Variants in COL8A1 observed in about 807,000 individuals in gnomAD.
COL8A1 encodes collagen alpha-1(VIII) chain.
Under a neutral mutation model 42.7 loss-of-function variants are expected in COL8A1, and 21 were observed. The ratio of observed to expected loss-of-function variants is 0.49; its 90% CI spans 0.35 to 0.71. The LOEUF is 0.71. Ranked by LOEUF, COL8A1 falls within the 30% of genes least tolerant of loss-of-function variation. The probability of loss-of-function intolerance (pLI) is 0.01; values close to 1 mark genes in which losing one functional copy is unlikely to be tolerated. For missense variants in COL8A1, 788 were observed against 962.4 expected (o/e 0.82, Z 2.40); for synonymous variants, 367 against 369.1 (o/e 0.99, Z 0.06).
intron 1 of COL8A1, among the ~76,000 whole-genome samples, chr3:99,674,170 A>ATCTTTTCAATACTTCCCTTTT (rs1559774924): frequency 6.6e-6 from 1 of 151,850 alleles, no homozygotes; most frequent in Admixed American, 6.6e-5. Flanking sequence ...CCTTTTTTCA[A>ATCTTTTCAATACTTCCCTTTT]TCAATACTTT....
intron 1 of COL8A1, among the ~76,000 whole-genome samples, chr3:99,730,219 T>C (rs1431787960): frequency 6.6e-6 from 1 of 152,042 alleles, no homozygotes; most frequent in Non-Finnish European, 1.5e-5. Context: ...ATAACACAAT[T>C]AGGAAGGAGA....
chr3:99,699,789 C>T (rs1376109136), intron 1 of COL8A1, among the ~76,000 whole-genome samples: 1 of 152,100 alleles, frequency 6.6e-6, no homozygotes, highest in Non-Finnish European at 1.5e-5. Flanking sequence ...TTTCTCTCTC[C>T]CCCGTCCCAC....
chr3:99,699,503 A>T (rs1939471105), intron 1 of COL8A1, among the ~76,000 whole-genome samples: 1 of 152,190 alleles, frequency 6.6e-6, no homozygotes, highest in South Asian at 2.1e-4. Flanking sequence ...CAGACAGATG[A>T]TCAAAGGTTA....
intron 1 of COL8A1, among the ~76,000 whole-genome samples, chr3:99,655,671 A>T (rs966257422): frequency 1.3e-5 from 2 of 152,244 alleles, no homozygotes; most frequent in Non-Finnish European, 2.9e-5. Flanking sequence ...CATAGTACAC[A>T]ATTGAGGACA....
intron 1 of COL8A1, among the ~76,000 whole-genome samples, chr3:99,640,015 TTCCA>T (rs1449712660): frequency 1.3e-5 from 2 of 152,242 alleles, no homozygotes; most frequent in East Asian, 3.8e-4. Context: ...AACTTAGGTC[TTCCA>T]AACCATTTCT....
At chr3:99,726,662 A>G (rs1428206111) in intron 1 of COL8A1, among the ~76,000 whole-genome samples, 2 of 152,152 alleles carry the variant, frequency 1.3e-5, no homozygotes, top group Non-Finnish European at 2.9e-5. Context: ...CATTTATTAA[A>G]TAGGGAATCC....
At chr3:99,777,149 T>G (rs1192321816) in intron 2 of COL8A1, among the ~76,000 whole-genome samples, 1 of 152,148 alleles carries the variant, frequency 6.6e-6, no homozygotes, top group Non-Finnish European at 1.5e-5. Flanking sequence ...GGTCTCAGCC[T>G]TATTTCACTC....
chr3:99,686,419 A>T (rs1443034226), intron 1 of COL8A1, among the ~76,000 whole-genome samples: 1 of 152,234 alleles, frequency 6.6e-6, no homozygotes. Context: ...TTAGAGAAAG[A>T]TTGAATTCAC....
At chr3:99,656,958 A>G (rs975904793) in intron 1 of COL8A1, among the ~76,000 whole-genome samples, 3 of 152,238 alleles carry the variant, frequency 2.0e-5, no homozygotes, top group African/African-American at 7.2e-5. Context: ...TGACAAAGAA[A>G]TGGCTGAACA....
chr3:99,700,522 A>C (rs1231579354), intron 1 of COL8A1, among the ~76,000 whole-genome samples: 1 of 152,098 alleles, frequency 6.6e-6, no homozygotes, highest in Non-Finnish European at 1.5e-5. Context: ...TTCTACTGTG[A>C]GAGGAGAGAA....
At chr3:99,785,615 T>A (rs1292075393) in intron 2 of COL8A1, among the ~76,000 whole-genome samples, 1 of 152,150 alleles carries the variant, frequency 6.6e-6, no homozygotes, top group Non-Finnish European at 1.5e-5. Flanking sequence ...AATTTAAGCA[T>A]ATTTGAAAAT....
At position 99,717,816 on chromosome 3, in the gene COL8A1, G is replaced by A. The variant is rs1391019369; in HGVS notation, c.-128-27081G>A. On this transcript the variant is annotated intron_variant, in intron 1 of 3. Transcript: ENST00000652472. ...AGATAAAGTTGGAGCTACATTTTTT[G>A]TTGTCATGGAATTGCTCAATTCAGA... 3.9e-5 allele frequency among the ~76,000 whole-genome samples: 6 copies of A among 151,968 alleles called. No homozygotes were observed. The South Asian group carries it at 1.2e-3, about 32-fold the overall frequency.
chr3:99,792,866 A>C, intron 3 of COL8A1, among the ~76,000 whole-genome samples: 1 of 152,250 alleles, frequency 6.6e-6, no homozygotes, highest in Admixed American at 6.5e-5. Flanking sequence ...GAAATTAAGC[A>C]AATCTACTAA....
intron 1 of COL8A1, among the ~76,000 whole-genome samples, chr3:99,725,181 T>C (rs974386667): frequency 6.6e-6 from 1 of 152,030 alleles, no homozygotes; most frequent in African/African-American, 2.4e-5. Context: ...GCAATGTATT[T>C]TGATTGTTAT....
intron 2 of COL8A1, among the ~76,000 whole-genome samples, chr3:99,758,106 C>T (rs921569014): frequency 2.0e-5 from 3 of 152,100 alleles, no homozygotes; most frequent in Admixed American, 6.5e-5. Context: ...TTTCTCATCT[C>T]GCCTTTTGGT....
rs200783625 is a variant in COL8A1 at position 99,686,861 on chromosome 3, TG to T, written c.-129+48205del. Among the ~76,000 whole-genome samples, 266 of 151,628 alleles carry T rather than the reference TG, an allele frequency of 1.8e-3. 3 individuals carry two copies. Among genetic ancestry groups the T allele is most frequent in the African/African-American group, 6.0e-3 (247 of 41,352 alleles). On this transcript the variant is annotated intron_variant, in intron 1 of 3. Coordinates refer to ENST00000652472, the MANE Select transcript of COL8A1 (RefSeq NM_020351.4). ...TGGCTAATTTTTGTTTGTTTGTTTT[TG>T]GGGGGGGTTCTGTTTGTTTGTTTTT...
At chr3:99,656,307 A>G (rs648006) in intron 1 of COL8A1, among the ~76,000 whole-genome samples, 52,610 of 151,974 alleles carry the variant, frequency 0.35, 10,763 homozygotes, top group Middle Eastern at 0.49. Context: ...CTGTTAAGCT[A>G]GAAAACCTCA....
chr3:99,760,005 G>A (rs1451580370), intron 2 of COL8A1, among the ~76,000 whole-genome samples: 1 of 152,034 alleles, frequency 6.6e-6, no homozygotes, highest in Non-Finnish European at 1.5e-5. Context: ...TTGAGTCTCA[G>A]GCAAATGAGA....
chr3:99,700,997 C>T (rs768360859), intron 1 of COL8A1, among the ~76,000 whole-genome samples: 3 of 152,144 alleles, frequency 2.0e-5, no homozygotes, highest in Non-Finnish European at 2.9e-5. Flanking sequence ...TTGCGTCAGG[C>T]TCCTAAGGTC....
Sources: gnomAD v4.1 joint callset for allele counts (sites outside exome capture counted in the v4.1 genomes callset) on GRCh38, gnomAD v4.1.1 for gene constraint, MANE v1.5 for transcripts, NCBI Gene and HGNC (gene_info 2026-07-23, HGNC 2026-07-21) for gene names.